The following NRIP3 variants were observed in gnomAD, a reference collection of about 807,000 sequenced individuals.
NRIP3 encodes the protein nuclear receptor interacting protein 3.
In NRIP3, 31 loss-of-function variants were observed where a neutral mutation model predicts 29.0. That is an observed-to-expected ratio of 1.07 (90% CI 0.80 to 1.44). NRIP3 has a LOEUF of 1.44. Among genes scored for constraint, NRIP3 ranks in the 40% most tolerant of loss-of-function variants. The pLI, the probability that NRIP3 is intolerant of heterozygous loss-of-function variation, is 0.00. For missense variants in NRIP3, 314 were observed against 297.9 expected (o/e 1.05, Z -0.40); for synonymous variants, 131 against 118.3 (o/e 1.11, Z -0.70).
intron 1 of NRIP3, among the ~76,000 whole-genome samples, chr11:8,999,669 A>G (rs1213324951): frequency 6.6e-6 from 1 of 152,170 alleles, no homozygotes; most frequent in Non-Finnish European, 1.5e-5. Flanking sequence ...GCTCATTTTG[A>G]TCTAGCTACA....
intron 1 of NRIP3, among the ~76,000 whole-genome samples, chr11:8,991,296 G>A (rs927735376): frequency 3.9e-5 from 6 of 152,090 alleles, no homozygotes; most frequent in Non-Finnish European, 8.8e-5. Context: ...GCAAGACTCC[G>A]TCTCAAAACA....
chr11:8,990,770 C>T (rs1854585380), intron 1 of NRIP3, among the ~76,000 whole-genome samples: 1 of 152,016 alleles, frequency 6.6e-6, no homozygotes, highest in Non-Finnish European at 1.5e-5. Context: ...CCAGCCTGGG[C>T]AACAGAGCAA....
chr11:8,983,274 A>G lies in NRIP3; in HGVS notation c.*271T>C. On this transcript the variant is annotated 3_prime_UTR_variant, in exon 7 of 7. Coordinates refer to ENST00000309166, the MANE Select transcript of NRIP3 (RefSeq NM_020645.3). ...AGCAAATTCCTGGAAGAAGCAGAGA[A>G]ATAGGCCACAAGTGAGACTGGCAGT... The G allele has an allele frequency of 1.9e-6, 1 of 540,506 alleles. No homozygotes were observed. Among genetic ancestry groups the G allele is most frequent in the Non-Finnish European group, 3.3e-6 (1 of 303,948 alleles). The allele number at this position is 540,506 out of a possible 1,614,324, so 33.5% of individuals were successfully genotyped here.
chr11:8,989,964 A>G (rs1432144718), intron 1 of NRIP3, among the ~76,000 whole-genome samples: 3 of 152,216 alleles, frequency 2.0e-5, no homozygotes, highest in East Asian at 1.9e-4. Flanking sequence ...GTCTTCCTAC[A>G]TTGGTCTTGC....
chr11:9,000,240 A>G (rs774955454), intron 1 of NRIP3, among the ~76,000 whole-genome samples: 1 of 152,180 alleles, frequency 6.6e-6, no homozygotes, highest in Admixed American at 6.5e-5. Context: ...AATGTTTGCT[A>G]TTACGAGGAT....
At chr11:8,988,454 C>A (rs945884044) in intron 1 of NRIP3, among the ~76,000 whole-genome samples, 172 bp from the exon 2 acceptor site, 3 of 152,076 alleles carry the variant, frequency 2.0e-5, no homozygotes, top group African/African-American at 7.2e-5. Context: ...AGAGCAGGTA[C>A]CATAAACCAA....
intron 1 of NRIP3, among the ~76,000 whole-genome samples, chr11:8,996,070 C>T (rs979757724): frequency 1.3e-5 from 2 of 152,160 alleles, no homozygotes; most frequent in Non-Finnish European, 1.5e-5. Flanking sequence ...TAGTTACTAA[C>T]AAATCTCACT....
upstream of NRIP3, chr11:9,004,003 C>G (rs1854867050): frequency 7.3e-7 from 1 of 1,364,110 alleles, no homozygotes; most frequent in Non-Finnish European, 9.5e-7. Flanking sequence ...TCCTCCAGCG[C>G]CGCAAGGGCC....
chr11:8,991,168 G>A (rs757240066), intron 1 of NRIP3, among the ~76,000 whole-genome samples: 2 of 152,062 alleles, frequency 1.3e-5, no homozygotes, highest in Non-Finnish European at 2.9e-5. Flanking sequence ...AGGTGTGGTG[G>A]TGGGCGCCTG....
chr11:8,989,114 TAAG>T (rs1336114483), intron 1 of NRIP3, among the ~76,000 whole-genome samples: 6 of 152,144 alleles, frequency 3.9e-5, no homozygotes, highest in African/African-American at 1.4e-4. Context: ...TGCCTAATGT[TAAG>T]AAGCAGAATG....
chr11:8,987,707 A>T, intron 2 of NRIP3, 77 bp from the exon 3 acceptor site: 1 of 1,094,584 alleles, frequency 9.1e-7, no homozygotes, highest in Non-Finnish European at 1.4e-6. Flanking sequence ...CAAGCAGCAG[A>T]TGTCATATGA....
At chr11:9,002,778 T>A (rs1032719813) in intron 1 of NRIP3, among the ~76,000 whole-genome samples, 1 of 152,178 alleles carries the variant, frequency 6.6e-6, no homozygotes, top group Non-Finnish European at 1.5e-5. Context: ...AAAAGACATT[T>A]AATTAGTGTT....
intron 1 of NRIP3, among the ~76,000 whole-genome samples, chr11:8,993,154 T>C (rs1854638470): frequency 6.6e-6 from 1 of 152,192 alleles, no homozygotes; most frequent in East Asian, 1.9e-4. Context: ...ACAGGTTGCC[T>C]ACAGGCCTTA....
intron 1 of NRIP3, among the ~76,000 whole-genome samples, chr11:8,988,814 C>A (rs779970289): frequency 6.6e-6 from 1 of 152,202 alleles, no homozygotes; most frequent in Non-Finnish European, 1.5e-5. Flanking sequence ...CCTGCAGAAG[C>A]CTTAGTGGCT....
intron 1 of NRIP3, 101 bp downstream of exon 1, chr11:9,003,661 G>A (rs1479226483): frequency 2.3e-5 from 27 of 1,171,732 alleles, no homozygotes; most frequent in East Asian, 1.3e-4. Flanking sequence ...GGGCAGCGGC[G>A]GGCCGGGCCG....
Position 8,988,275 on chromosome 11 carries a change from T to A in NRIP3, c.182A>T (p.His61Leu). ...KLGSSKDMQP[H>L]NILQRRLMET... ...CATGAGGCGCCTCTGCAGAATATTA[T>A]GAGGTTGCTTGAGGGATAGAAAGCA... The change falls in exon 2 of 7, where the codon CAT becomes CTT. Residue 61 changes from histidine to leucine, a missense_variant. Coordinates refer to ENST00000309166, the MANE Select transcript of NRIP3 (RefSeq NM_020645.3). The A allele has an allele frequency of 6.2e-7, 1 of 1,613,316 alleles. No individual in the cohort carries two copies. The highest frequency in any genetic ancestry group is 8.5e-7 in the Non-Finnish European group (1 of 1,179,500).
chr11:8,992,911 C>CAAAA (rs5789590), intron 1 of NRIP3, among the ~76,000 whole-genome samples: 2 of 138,258 alleles, frequency 1.4e-5, no homozygotes, highest in African/African-American at 2.6e-5. Context: ...GACTCCGTCT[C>CAAAA]AAAAAAAAAA....
chr11:8,987,559 C>T lies in NRIP3; in HGVS notation c.411G>A (p.Val137=). ...CLYNLISLAC[V]DRLGLKEHVK... ...AAGTGCCTACTTACCCCAATCTGTC[C>T]ACACAGGCCAAAGAGATGAGATTAT... The change falls in exon 3 of 7, where the codon GTG becomes GTA. Residue 137 remains valine (V), a synonymous_variant. Transcript: ENST00000309166. 6.2e-7 allele frequency: 1 copy of T among 1,613,486 alleles called. No individual in the cohort carries two copies. Among genetic ancestry groups the T allele is most frequent in the Non-Finnish European group, 8.5e-7 (1 of 1,179,430 alleles).
chr11:8,988,365 G>A, intron 1 of NRIP3, 83 bp from the exon 2 acceptor site: 1 of 1,138,042 alleles, frequency 8.8e-7, no homozygotes, highest in Non-Finnish European at 1.3e-6. Context: ...TAAAAATAAT[G>A]AAGGAGCCTC....
Sources: allele counts gnomAD v4.1 joint callset (sites outside exome capture counted in the v4.1 genomes callset), GRCh38; gene constraint gnomAD v4.1.1; transcripts MANE v1.5; gene names NCBI Gene and HGNC (gene_info 2026-07-23, HGNC 2026-07-21).